Variants in PABPC4L observed in about 807,000 individuals in gnomAD.
PABPC4L encodes the protein poly(A) binding protein cytoplasmic 4 like, also known as polyadenylate-binding protein 4-like.
For synonymous variants in PABPC4L, 169 were observed against 164.1 expected (o/e 1.03, Z -0.23); for missense variants, 452 against 451.4 (o/e 1.00, Z -0.01).
chr4:134,017,404 C>A, the PABPC4L span, among the ~76,000 whole-genome samples: 9 of 152,050 alleles, frequency 5.9e-5, no homozygotes, highest in Non-Finnish European at 1.3e-4. Flanking sequence ...CCCCAAAAAA[C>A]TTGTCATCCC....
chr4:134,085,655 G>A, the PABPC4L span, among the ~76,000 whole-genome samples: 3 of 152,098 alleles, frequency 2.0e-5, no homozygotes, highest in Non-Finnish European at 4.4e-5. Flanking sequence ...TTAACTCTAT[G>A]TAGATGAAAC....
At chr4:134,103,471 C>T in the PABPC4L span, among the ~76,000 whole-genome samples, 34 of 151,712 alleles carry the variant, frequency 2.2e-4, no homozygotes, top group East Asian at 3.3e-3. Context: ...TCTCACTGTC[C>T]TCACATGGTT....
chr4:134,175,362 T>G, the PABPC4L span, among the ~76,000 whole-genome samples: 1 of 152,058 alleles, frequency 6.6e-6, no homozygotes, highest in African/African-American at 2.4e-5. Flanking sequence ...TTTGGTTTGT[T>G]TTATTATGAT....
At chr4:134,024,649 T>C in the PABPC4L span, among the ~76,000 whole-genome samples, 1 of 152,124 alleles carries the variant, frequency 6.6e-6, no homozygotes, top group African/African-American at 2.4e-5. Context: ...TATTGGGGGT[T>C]ATAGGCTTCA....
At chr4:134,138,170 T>C in the PABPC4L span, among the ~76,000 whole-genome samples, 1 of 151,812 alleles carries the variant, frequency 6.6e-6, no homozygotes, top group South Asian at 2.1e-4. Flanking sequence ...ATACCTGAAT[T>C]AAAAAATAAT....
chr4:134,000,513 T>A, the PABPC4L span, among the ~76,000 whole-genome samples: 1 of 152,184 alleles, frequency 6.6e-6, no homozygotes, highest in Non-Finnish European at 1.5e-5. Flanking sequence ...AAATTGGTTT[T>A]AATCTTAACC....
At chr4:134,115,295 C>T in the PABPC4L span, among the ~76,000 whole-genome samples, 1 of 151,708 alleles carries the variant, frequency 6.6e-6, no homozygotes, top group Admixed American at 6.6e-5. Context: ...TGGCCTCTGT[C>T]CTCATTAAGC....
the PABPC4L span, among the ~76,000 whole-genome samples, chr4:134,039,570 A>G: frequency 6.6e-6 from 1 of 152,098 alleles, no homozygotes; most frequent in East Asian, 1.9e-4. Flanking sequence ...CTTTACCATT[A>G]TAGAATGCCC....
chr4:134,094,395 G>C, the PABPC4L span, among the ~76,000 whole-genome samples: 1 of 151,782 alleles, frequency 6.6e-6, no homozygotes, highest in Non-Finnish European at 1.5e-5. Context: ...GTCTACCTAG[G>C]TCTATAAAGA....
the PABPC4L span, among the ~76,000 whole-genome samples, chr4:134,001,030 C>T: frequency 4.6e-5 from 7 of 151,746 alleles, no homozygotes; most frequent in African/African-American, 1.2e-4. Context: ...TTTGGTGAAC[C>T]CTGACTGATA....
At chr4:134,115,146 G>T in the PABPC4L span, among the ~76,000 whole-genome samples, 1 of 151,794 alleles carries the variant, frequency 6.6e-6, no homozygotes, top group African/African-American at 2.4e-5. Flanking sequence ...TGTTTTCAAA[G>T]AGATAACACA....
chr4:134,147,628 T>G, the PABPC4L span, among the ~76,000 whole-genome samples: 1 of 152,058 alleles, frequency 6.6e-6, no homozygotes, highest in African/African-American at 2.4e-5. Context: ...TGAAATGCTA[T>G]TCTATCTTAA....
At position 134,200,663 on chromosome 4, in the gene PABPC4L, T is replaced by G. The variant is rs1216900939; in HGVS notation, c.357A>C (p.Ser119=). 4.5e-6 allele frequency: 7 copies of G among 1,551,700 alleles called. No individual in the cohort carries two copies. Among genetic ancestry groups the G allele is most frequent in the Non-Finnish European group, 6.1e-6 (7 of 1,146,988 alleles). The change falls in exon 2 of 2, where the codon TCA becomes TCC. Residue 119 remains serine, a synonymous_variant. Transcript: ENST00000421491. ...IDNKTLYEHF[S]AFGKILSSKV... ...TGGAGGAAAGGATCTTTCCAAAAGC[T>G]GAAAAATGTTCATAAAGGGTTTTGT...
chr4:134,078,036 A>C, the PABPC4L span, among the ~76,000 whole-genome samples: 1 of 152,340 alleles, frequency 6.6e-6, no homozygotes, highest in East Asian at 1.9e-4. Flanking sequence ...TTAAAAAATC[A>C]AACTATGTAC....
At chr4:134,093,357 T>G in the PABPC4L span, among the ~76,000 whole-genome samples, 1 of 151,900 alleles carries the variant, frequency 6.6e-6, no homozygotes, top group Non-Finnish European at 1.5e-5. Context: ...TTTGATCAGT[T>G]TTAAATCTCA....
At chr4:134,043,637 C>T in the PABPC4L span, among the ~76,000 whole-genome samples, 1 of 151,750 alleles carries the variant, frequency 6.6e-6, no homozygotes, top group Non-Finnish European at 1.5e-5. Context: ...CCAGAAAATA[C>T]TGGAGCTCTA....
At chr4:133,965,484 A>G in the PABPC4L span, among the ~76,000 whole-genome samples, 1 of 152,152 alleles carries the variant, frequency 6.6e-6, no homozygotes, top group African/African-American at 2.4e-5. Flanking sequence ...TTCATATGGA[A>G]CCAAAAAAGA....
chr4:133,972,498 T>C, the PABPC4L span, among the ~76,000 whole-genome samples: 1 of 152,134 alleles, frequency 6.6e-6, no homozygotes, highest in African/African-American at 2.4e-5. Flanking sequence ...GATGAGTCCA[T>C]CTCTGGGAGT....
the PABPC4L span, among the ~76,000 whole-genome samples, chr4:134,117,333 T>A: frequency 1.3e-5 from 2 of 151,754 alleles, no homozygotes; most frequent in Admixed American, 1.3e-4. Flanking sequence ...GCTCTGAATC[T>A]AAGTACCTCA....
Sources: gnomAD v4.1 joint callset for allele counts (sites outside exome capture counted in the v4.1 genomes callset) on GRCh38, gnomAD v4.1.1 for gene constraint, MANE v1.5 for transcripts, NCBI Gene and HGNC (gene_info 2026-07-23, HGNC 2026-07-21) for gene names.